The following KPNA1 variants were observed in gnomAD, a reference collection of about 807,000 sequenced individuals.
KPNA1 encodes the protein importin subunit alpha-5.
Under a neutral mutation model 70.5 loss-of-function variants are expected in KPNA1, and 10 were observed. That is an observed-to-expected ratio of 0.14 (90% confidence interval 0.09 to 0.24). KPNA1 has a LOEUF of 0.24. Ranked by LOEUF, KPNA1 falls within the 10% of genes least tolerant of loss-of-function variation. The pLI is 1.00. For missense variants in KPNA1, 397 were observed against 637.9 expected (o/e 0.62, Z 4.07); for synonymous variants, 192 against 221.9 (o/e 0.87, Z 1.20).
At chr3:122,448,681 A>T (rs1388656807) in intron 9 of KPNA1, among the ~76,000 whole-genome samples, 3 of 152,104 alleles carry the variant, frequency 2.0e-5, no homozygotes, top group African/African-American at 4.8e-5. Flanking sequence ...AACATGGCAC[A>T]TGTATACCTA....
At chr3:122,500,114 TTTGTTG>T (rs533402378) in intron 1 of KPNA1, among the ~76,000 whole-genome samples, 2 of 151,856 alleles carry the variant, frequency 1.3e-5, no homozygotes. Context: ...CAACTGTTTT[TTTGTTG>T]TTGTTGTTGT....
chr3:122,427,516 T>C (rs143498332), intron 13 of KPNA1, 22 bp downstream of exon 13: 55 of 1,601,794 alleles, frequency 3.4e-5, no homozygotes, highest in Non-Finnish European at 4.6e-5. Context: ...GGCCATAAAC[T>C]TCTTCAACCA....
In KPNA1 at chr3:122,461,300, T is replaced by C; in HGVS notation, c.356A>G (p.Asp119Gly). ...TACTCCTGGTGTGCTGATAACTTCA[T>C]CAATAGGAGGGTTAGGTTCTGTTTC... ...LLSKEPNPPI[D>G]EVISTPGVVA... Residue 119 changes from aspartate to glycine, a missense_variant, in exon 5 of 14, where the codon GAT becomes GGT. Coordinates refer to ENST00000344337, the MANE Select transcript of KPNA1 (RefSeq NM_002264.4). 1 of 1,611,444 alleles carries C rather than the reference T, an allele frequency of 6.2e-7. No individual in the cohort carries two copies. Among genetic ancestry groups the C allele is most frequent in the Non-Finnish European group, 8.5e-7 (1 of 1,178,294 alleles).
intron 12 of KPNA1, 70 bp from the exon 13 acceptor site, chr3:122,427,786 G>A: frequency 9.6e-7 from 1 of 1,037,262 alleles, no homozygotes; most frequent in Admixed American, 2.7e-5. Flanking sequence ...TAGTGAGCAA[G>A]TCATCCTCAA....
At chr3:122,499,891 T>G (rs1476467036) in intron 1 of KPNA1, among the ~76,000 whole-genome samples, 1 of 152,252 alleles carries the variant, frequency 6.6e-6, no homozygotes, top group Non-Finnish European at 1.5e-5. Context: ...TCAAGAATTA[T>G]ATTATTTCTT....
At chr3:122,509,972 G>C (rs1431505672) in intron 1 of KPNA1, among the ~76,000 whole-genome samples, 1 of 152,142 alleles carries the variant, frequency 6.6e-6, no homozygotes, top group East Asian at 1.9e-4. Flanking sequence ...AAAGCTTCTA[G>C]AGATTGGGGT....
At chr3:122,498,752 A>T (rs1194385141) in intron 1 of KPNA1, among the ~76,000 whole-genome samples, 1 of 152,170 alleles carries the variant, frequency 6.6e-6, no homozygotes, top group Non-Finnish European at 1.5e-5. Context: ...TTGCAATTCC[A>T]TATGAACTTT....
At position 122,493,684 on chromosome 3, in the gene KPNA1, G is replaced by A. The variant is rs528861799; in HGVS notation, c.129+2753C>T. Among the ~76,000 whole-genome samples, 3 of 152,242 alleles carry A rather than the reference G, an allele frequency of 2.0e-5. No homozygotes were observed. The South Asian group carries it at 6.2e-4, about 32-fold the overall frequency. On this transcript the variant is annotated intron_variant, in intron 2 of 13. Coordinates refer to ENST00000344337, the MANE Select transcript of KPNA1 (RefSeq NM_002264.4). ...AGGAGCTTCTCAATGAATTAACACA[G>A]GAAAATTCCCAAGAACATAGTCTTA...
At chr3:122,501,671 A>AT (rs2076830871) in intron 1 of KPNA1, among the ~76,000 whole-genome samples, 1 of 152,188 alleles carries the variant, frequency 6.6e-6, no homozygotes, top group African/African-American at 2.4e-5. Flanking sequence ...CAGGATATAC[A>AT]TATTTCTATT....
chr3:122,464,349 T>C (rs2076357905), intron 3 of KPNA1: 1 of 219,042 alleles, frequency 4.6e-6, no homozygotes. Flanking sequence ...CAAAATTAAA[T>C]GTTAAGTTTT....
chr3:122,457,470 G>T (rs2076276853), intron 5 of KPNA1, among the ~76,000 whole-genome samples: 1 of 152,048 alleles, frequency 6.6e-6, no homozygotes, highest in South Asian at 2.1e-4. Context: ...TTCTTTTGTT[G>T]TTTTAAACTA....
chr3:122,499,377 T>C (rs2076799099), intron 1 of KPNA1, among the ~76,000 whole-genome samples: 1 of 152,218 alleles, frequency 6.6e-6, no homozygotes, highest in Non-Finnish European at 1.5e-5. Flanking sequence ...GTTGACTGTT[T>C]TATAATTAAA....
At chr3:122,455,959 T>C (rs1289403137) in intron 5 of KPNA1, among the ~76,000 whole-genome samples, 2 of 152,062 alleles carry the variant, frequency 1.3e-5, no homozygotes, top group African/African-American at 4.8e-5. Flanking sequence ...GAGGAAACTA[T>C]CTGAAAAAAA....
At chr3:122,487,082 A>T (rs2076638367) in intron 2 of KPNA1, among the ~76,000 whole-genome samples, 3 of 152,210 alleles carry the variant, frequency 2.0e-5, no homozygotes, top group Non-Finnish European at 4.4e-5. Flanking sequence ...AAAGTAATGG[A>T]TCTAGGCAGG....
At chr3:122,427,329 A>C (rs1396057248) in intron 13 of KPNA1, 157 bp from the exon 14 acceptor site, 2 of 735,394 alleles carry the variant, frequency 2.7e-6, no homozygotes, top group African/African-American at 1.8e-5. Context: ...AATAGCACAG[A>C]AATGACTGCT....
At chr3:122,457,260 A>G (rs908701348) in intron 5 of KPNA1, among the ~76,000 whole-genome samples, 4 of 152,180 alleles carry the variant, frequency 2.6e-5, no homozygotes, top group Admixed American at 6.5e-5. Flanking sequence ...CTAGATTAGA[A>G]TTTAACATGA....
At chr3:122,457,917 C>T in intron 5 of KPNA1, 1 of 1,248,326 alleles carries the variant, frequency 8.0e-7, no homozygotes, top group Non-Finnish European at 1.0e-6. Flanking sequence ...CTGCAGAGAA[C>T]AGTGCCTGAG....
intron 1 of KPNA1, among the ~76,000 whole-genome samples, chr3:122,504,660 G>A (rs866295878): frequency 2.0e-5 from 3 of 152,076 alleles, no homozygotes; most frequent in Non-Finnish European, 2.9e-5. Flanking sequence ...GTGTGTCTGC[G>A]CACACGCATG....
chr3:122,435,357 C>T (rs2075971129), intron 11 of KPNA1, among the ~76,000 whole-genome samples: 1 of 152,060 alleles, frequency 6.6e-6, no homozygotes, highest in Non-Finnish European at 1.5e-5. Context: ...TGCTTGTCGT[C>T]CACTTGAGTT....
Sources: gnomAD v4.1 joint callset for allele counts (sites outside exome capture counted in the v4.1 genomes callset) on GRCh38, gnomAD v4.1.1 for gene constraint, MANE v1.5 for transcripts, NCBI Gene and HGNC (gene_info 2026-07-23, HGNC 2026-07-21) for gene names.